Variants in CSNK1E observed in about 807,000 individuals in gnomAD.
CSNK1E encodes the protein casein kinase I isoform epsilon.
A neutral mutation model predicts 46.1 loss-of-function variants in CSNK1E; 17 were observed. The ratio of observed to expected loss-of-function variants is 0.37; its 90% CI spans 0.25 to 0.55. The LOEUF is 0.55. Ranked by LOEUF, CSNK1E falls within the 20% of genes least tolerant of loss-of-function variation. The pLI is 0.82. For missense variants in CSNK1E, 386 were observed against 595.4 expected, an observed-to-expected ratio of 0.65 and a Z score of 3.66; for synonymous variants, 241 against 242.6, an observed-to-expected ratio of 0.99 and a Z score of 0.06.
intron 2 of CSNK1E, among the ~76,000 whole-genome samples, chr22:38,308,506 G>A (rs995428901): frequency 2.0e-5 from 3 of 152,104 alleles, no homozygotes; most frequent in Non-Finnish European, 2.9e-5. Flanking sequence ...GCCAGGGGTC[G>A]TCGGACAAGG....
intron 2 of CSNK1E, among the ~76,000 whole-genome samples, chr22:38,311,040 G>A (rs2092718759): frequency 6.6e-6 from 1 of 152,168 alleles, no homozygotes; most frequent in Admixed American, 6.5e-5. Flanking sequence ...AGTGAAGATG[G>A]GAGAGTCAGG....
At chr22:38,308,984 A>C (rs2092710082) in intron 2 of CSNK1E, among the ~76,000 whole-genome samples, 1 of 152,192 alleles carries the variant, frequency 6.6e-6, no homozygotes, top group African/African-American at 2.4e-5. Context: ...GTGTGTGATC[A>C]CAGGATCTCT....
chr22:38,291,392 C>T lies in CSNK1E; in HGVS notation c.*579G>A, dbSNP rs2092609797. ...GGGGACGCCGGCCCCCACCACCTCCCCACCCACTCCATGGAGAGGCAGAGG... is the reference window on the plus strand; with the variant it reads ...GGGGACGCCGGCCCCCACCACCTCCTCACCCACTCCATGGAGAGGCAGAGG... On this transcript the variant is annotated 3_prime_UTR_variant, in exon 11 of 11. Coordinates refer to ENST00000396832, the MANE Select transcript of CSNK1E (RefSeq NM_152221.3). 2 of 153,048 alleles carry T rather than the reference C, an allele frequency of 1.3e-5. No homozygotes were observed. Among genetic ancestry groups the T allele is most frequent in the African/African-American group, 2.4e-5 (1 of 41,442 alleles). The allele number at this position is 153,048 out of a possible 1,614,324, so 9.5% of individuals were successfully genotyped here.
At chr22:38,316,445 T>C (rs962940889) in intron 1 of CSNK1E, among the ~76,000 whole-genome samples, 1 of 152,298 alleles carries the variant, frequency 6.6e-6, no homozygotes, top group African/African-American at 2.4e-5. Flanking sequence ...AAGGGAAAAG[T>C]TGGGGAGGGG....
At chr22:38,296,177 C>A (rs2092639423) in intron 7 of CSNK1E, 1 of 1,011,144 alleles carries the variant, frequency 9.9e-7, no homozygotes, top group Admixed American at 5.7e-5. Context: ...TCCCATCCAA[C>A]CCATAGGACG....
chr22:38,296,899 C>G (rs2092643719), intron 7 of CSNK1E: 3 of 624,306 alleles, frequency 4.8e-6, no homozygotes, highest in Non-Finnish European at 8.4e-6. Flanking sequence ...CTCAGCCTCC[C>G]AAGCAGCTGG....
chr22:38,293,661 C>T (rs1405785122), intron 9 of CSNK1E, among the ~76,000 whole-genome samples: 1 of 152,144 alleles, frequency 6.6e-6, no homozygotes, highest in Non-Finnish European at 1.5e-5. Context: ...GCCACCTGCC[C>T]TGGGCAACTA....
At chr22:38,299,834 C>G in intron 6 of CSNK1E, 61 bp downstream of exon 6, 2 of 1,571,514 alleles carry the variant, frequency 1.3e-6, no homozygotes, top group Non-Finnish European at 1.7e-6. Context: ...ATGGCCTCAC[C>G]TTTCCCTTAG....
Position 38,290,708 on chromosome 22 carries a change from C to T in CSNK1E, c.*1263G>A, listed in dbSNP as rs566996251. 3 of 152,540 alleles carry T rather than the reference C, an allele frequency of 2.0e-5. No individual in the cohort carries two copies. Among genetic ancestry groups the T allele is most frequent in the Non-Finnish European group, 4.4e-5 (3 of 68,042 alleles). The allele number at this position is 152,540 out of a possible 1,614,324, so 9.4% of individuals were successfully genotyped here. ...TGCCTGCATCACTTTATCTTTTCTA[C>T]TTTATTACTTCAAATTAACAACCAC... On this transcript the variant is annotated 3_prime_UTR_variant, in exon 11 of 11. Coordinates refer to ENST00000396832, the MANE Select transcript of CSNK1E (RefSeq NM_152221.3).
At chr22:38,310,380 C>T (rs539043507) in intron 2 of CSNK1E, among the ~76,000 whole-genome samples, 18 of 152,166 alleles carry the variant, frequency 1.2e-4, no homozygotes, top group Middle Eastern at 3.4e-3. Flanking sequence ...CAGCCTCACA[C>T]GGGGGCCTAC....
At position 38,296,549 on chromosome 22, in the gene CSNK1E, C is replaced by T. The variant is rs545691050; in HGVS notation, c.886-2015G>A. ...AGGTGGTTCAGCTCACTACAGTGGC[C>T]GTGGCATTGAGTCAGAGATTGGCAA... On this transcript the variant is annotated intron_variant, in intron 7 of 10. Coordinates refer to ENST00000396832, the MANE Select transcript of CSNK1E (RefSeq NM_152221.3). 1.6e-5 allele frequency: 26 copies of T among 1,611,440 alleles called. No individual in the cohort carries two copies. The East Asian group carries it at 2.0e-4, about 12-fold the overall frequency.
In CSNK1E at chr22:38,294,060, C is replaced by G. The variant is rs2092626059; in HGVS notation, c.1218+49G>C. ...ACGGCCTGACCTCCCACTGGGGGGT[C>G]TCTAACTCAGTTCTGAGGCCCAGAG... On this transcript the variant is annotated intron_variant, in intron 9 of 10. Transcript: ENST00000396832. This position sits in a 1 kb window ranked among gnomAD's most constrained non-coding sequence, Gnocchi z 5.5. 3 of 1,587,612 alleles carry G rather than the reference C, an allele frequency of 1.9e-6. No individual in the cohort carries two copies. The South Asian group carries it at 3.4e-5, about 18-fold the overall frequency.
intron 2 of CSNK1E, among the ~76,000 whole-genome samples, chr22:38,305,925 C>T (rs745761311): frequency 1.3e-5 from 2 of 152,102 alleles, no homozygotes; most frequent in Admixed American, 6.5e-5. Context: ...CATCCTAGCA[C>T]GGTGCAAAAC....
Position 38,300,648 on chromosome 22 carries a change from G to T in CSNK1E, c.565+76C>A. 7.1e-7 allele frequency: 1 copy of T among 1,405,970 alleles called. No individual in the cohort carries two copies. The highest frequency in any genetic ancestry group is 9.9e-7 in the Non-Finnish European group (1 of 1,005,890). The allele number at this position is 1,405,970 out of a possible 1,614,324, so 87.1% of individuals were successfully genotyped here. ...GCCTGGGGGCCTCCATCAGGGTAGGGGGTGAGAGGGCTCCAGAGAGCTGGG... is the reference window on the plus strand; with the variant it reads ...GCCTGGGGGCCTCCATCAGGGTAGGTGGTGAGAGGGCTCCAGAGAGCTGGG... On this transcript the variant is annotated intron_variant, in intron 5 of 10. Coordinates refer to ENST00000396832, the MANE Select transcript of CSNK1E (RefSeq NM_152221.3). The surrounding 1 kb of genome is among the most constrained non-coding windows in gnomAD (Gnocchi z 4.4).
Position 38,294,407 on chromosome 22 carries a change from G to A in CSNK1E, c.1013C>T (p.Ala338Val). The A allele has an allele frequency of 3.2e-6, 5 of 1,558,060 alleles. No individual in the cohort carries two copies. The highest frequency in any genetic ancestry group is 4.3e-6 in the Non-Finnish European group (5 of 1,153,996). The change falls in exon 8 of 11, where the codon GCC (alanine) becomes GTC (valine). Residue 338 changes from alanine (A) to valine (V), a missense_variant. Transcript: ENST00000396832. The surrounding 1 kb of genome is among the most constrained non-coding windows in gnomAD (Gnocchi z 5.5). ...LPPGPPTGATANRLRSAAEPV... is the reference protein window; with the variant it reads ...LPPGPPTGATVNRLRSAAEPV... Reference sequence around the variant, plus strand: ...CTCGGCGGCACTGCGGAGCCGGTTGGCAGTGGCCCCCGTGGGTGGGCCAGG... The same window carrying A: ...CTCGGCGGCACTGCGGAGCCGGTTGACAGTGGCCCCCGTGGGTGGGCCAGG...
At chr22:38,316,216 T>G (rs2092745131) in intron 1 of CSNK1E, among the ~76,000 whole-genome samples, 1 of 152,188 alleles carries the variant, frequency 6.6e-6, no homozygotes, top group Non-Finnish European at 1.5e-5. Flanking sequence ...GGGCAGTGCT[T>G]CTTACTCCCC....
chr22:38,298,804 G>A lies in CSNK1E; in HGVS notation c.867C>T (p.Asp289=), dbSNP rs1345145108. ...RQGFSYDYVF[D]WNMLKFGAAR... ...GACTCACGAATTTCAGCATGTTCCA[G>A]TCAAAGACGTAGTCATAGGAGAAGC... Residue 289 remains aspartate, a synonymous_variant, in exon 7 of 11, where the codon GAC becomes GAT. Transcript: ENST00000396832. The surrounding 1 kb of genome is among the most constrained non-coding windows in gnomAD (Gnocchi z 4.2). 5.0e-6 allele frequency: 8 copies of A among 1,614,066 alleles called. No individual in the cohort carries two copies. Among genetic ancestry groups the A allele is most frequent in the Non-Finnish European group, 6.8e-6 (8 of 1,180,040 alleles).
rs1484391211 is a variant in CSNK1E, at chr22:38,303,264, A to T, written c.77-16T>A. The T allele has an allele frequency of 6.3e-7, 1 of 1,584,462 alleles. No individual in the cohort carries two copies. Among genetic ancestry groups the T allele is most frequent in the South Asian group, 1.1e-5 (1 of 88,300 alleles). On this transcript the variant is annotated splice_polypyrimidine_tract_variant and intron_variant, in intron 2 of 10. Coordinates refer to ENST00000396832, the MANE Select transcript of CSNK1E (RefSeq NM_152221.3). This position sits in a 1 kb window ranked among gnomAD's most constrained non-coding sequence, Gnocchi z 4.7. ...ATGTTGGCACCTGCCCGGGGCAGGG[A>T]GGCAAGGGACCAGGGTCACCCTCAA...
In CSNK1E at chr22:38,298,659, CCA is replaced by C; in HGVS notation, c.885+125_885+126del. ...GGCTCTGGGACCCCAGTGAGGTCAA[CCA>C]CACTGTCCAGCTCGTACCTCCCGTC... On this transcript the variant is annotated intron_variant, in intron 7 of 10. Coordinates refer to ENST00000396832, the MANE Select transcript of CSNK1E (RefSeq NM_152221.3). This position sits in a 1 kb window ranked among gnomAD's most constrained non-coding sequence, Gnocchi z 4.2. 2 of 1,124,110 alleles carry C rather than the reference CCA, an allele frequency of 1.8e-6. No homozygotes were observed. Among genetic ancestry groups the C allele is most frequent in the Admixed American group, 3.8e-5 (2 of 52,952 alleles). The allele number at this position is 1,124,110 out of a possible 1,614,324, so 69.6% of individuals were successfully genotyped here.
Sources: allele counts gnomAD v4.1 joint callset (sites outside exome capture counted in the v4.1 genomes callset), GRCh38; gene constraint gnomAD v4.1.1; non-coding constraint Gnocchi (gnomAD v3.1); transcripts MANE v1.5; gene names NCBI Gene and HGNC (gene_info 2026-07-23, HGNC 2026-07-21).